Variants in VPS35L observed in about 807,000 individuals in gnomAD.
The protein encoded by VPS35L is VPS35 endosomal protein-sorting factor-like.
In VPS35L, 83 loss-of-function variants were observed where a neutral mutation model predicts 133.0. The ratio of observed to expected loss-of-function variants is 0.62; its 90% CI spans 0.52 to 0.75. The LOEUF (loss-of-function observed/expected upper bound fraction) is 0.75. VPS35L is among the 30% of genes least tolerant of loss of function. The pLI, the probability that VPS35L is intolerant of heterozygous loss-of-function variation, is 0.00. For synonymous variants in VPS35L, 423 were observed against 449.9 expected, an observed-to-expected ratio of 0.94 and a Z score of 0.76; for missense variants, 1,083 against 1,206.8, an observed-to-expected ratio of 0.90 and a Z score of 1.52.
rs1352040689 is a variant in VPS35L at position 19,573,187 on chromosome 16, C to T, written c.354C>T (p.Thr118=). 1.2e-6 allele frequency: 2 copies of T among 1,613,910 alleles called. No individual in the cohort carries two copies. The highest frequency in any genetic ancestry group is 1.7e-6 in the Non-Finnish European group (2 of 1,179,914). ...SVVGSDFEPW[T]NKRGEILARY... is the part of the protein sequence containing the mutation. ...TAGGATCGGATTTTGAGCCTTGGAC[C>T]AACAAACGGGGAGAAATCCTTGCCC... Residue 118 remains threonine (T), a synonymous_variant, in exon 4 of 31, where the codon ACC becomes ACT. Transcript: ENST00000417362.
chr16:19,690,928 C>G (rs1975648873), intron 28 of VPS35L, among the ~76,000 whole-genome samples: 1 of 151,614 alleles, frequency 6.6e-6, no homozygotes, highest in South Asian at 2.1e-4. Context: ...TGCCACTGCA[C>G]TCCAGCCTGG....
chr16:19,647,950 T>G, intron 24 of VPS35L, 68 bp downstream of exon 24: 1 of 1,364,492 alleles, frequency 7.3e-7, no homozygotes, highest in Non-Finnish European at 1.0e-6. Flanking sequence ...TCCCAATCAT[T>G]TATTTTGATT....
intron 26 of VPS35L, among the ~76,000 whole-genome samples, chr16:19,666,927 T>TCTTTCTTC (rs1555506168): frequency 0.066 from 4,108 of 62,486 alleles, 361 homozygotes; most frequent in South Asian, 0.1. Context: ...TTTCTTTCTT[T>TCTTTCTTC]CTTTCTTCCT....
At chr16:19,631,752 A>G (rs1973461960) in intron 18 of VPS35L, among the ~76,000 whole-genome samples, 1 of 152,166 alleles carries the variant, frequency 6.6e-6, no homozygotes, top group African/African-American at 2.4e-5. Flanking sequence ...TCTGTTGCCC[A>G]GACTGGAGTC....
At chr16:19,656,302 G>A (rs1386461918) in intron 26 of VPS35L, among the ~76,000 whole-genome samples, 1 of 149,262 alleles carries the variant, frequency 6.7e-6, no homozygotes, top group Non-Finnish European at 1.5e-5. Flanking sequence ...AGAAAATGGG[G>A]GCATTTTACA....
In VPS35L at chr16:19,700,662, A is replaced by G. The variant is rs1976099936; in HGVS notation, c.*186A>G. The G allele has an allele frequency of 3.5e-6, 2 of 576,626 alleles. No individual in the cohort carries two copies. Among genetic ancestry groups the G allele is most frequent in the African/African-American group, 1.9e-5 (1 of 53,646 alleles). The allele number at this position is 576,626 out of a possible 1,614,324, so 35.7% of individuals were successfully genotyped here. The stretch of plus-strand genomic sequence containing the variant: ...ACAATGAAGAAATGGGAGTTGTCAG[A>G]GCATTAAAATGCAATCTTCACTAAG... On this transcript the variant is annotated 3_prime_UTR_variant, in exon 31 of 31. Coordinates refer to ENST00000417362, the MANE Select transcript of VPS35L (RefSeq NM_020314.7).
rs1304303668 is a variant in VPS35L at position 19,583,143 on chromosome 16, T to G, written c.639+1490T>G. Among the ~76,000 whole-genome samples the G allele has an allele frequency of 2.2e-5, 3 of 134,356 alleles. No homozygotes were observed. In the East Asian group the frequency reaches 6.0e-4, roughly 27 times the overall value. The allele number at this position is 134,356 out of a possible 152,430, so 88.1% of individuals were successfully genotyped here. A position where few individuals can be genotyped will look rare whatever the true frequency, so the allele number is the denominator to read the frequency against. On this transcript the variant is annotated intron_variant, in intron 7 of 30. Coordinates refer to ENST00000417362, the MANE Select transcript of VPS35L (RefSeq NM_020314.7). ...CACCCATTATAAGTGTGTAATTCAT[T>G]GATTTTTTTTTACTTAACTTATAGA...
intron 7 of VPS35L, chr16:19,582,225 A>T (rs560904689): frequency 6.6e-6 from 1 of 152,402 alleles, no homozygotes; most frequent in East Asian, 1.9e-4. Context: ...AACAGCTTAT[A>T]TGTCTTGGTC....
intron 14 of VPS35L, among the ~76,000 whole-genome samples, chr16:19,621,041 C>T (rs1478763429): frequency 6.6e-6 from 1 of 151,930 alleles, no homozygotes; most frequent in Non-Finnish European, 1.5e-5. Context: ...TTGAAAAATG[C>T]TGTTATATCC....
At position 19,700,493 on chromosome 16, in the gene VPS35L, C is replaced by T; in HGVS notation, c.*17C>T. 1.9e-6 allele frequency: 3 copies of T among 1,603,320 alleles called. No individual in the cohort carries two copies. On this transcript the variant is annotated 3_prime_UTR_variant, in exon 31 of 31. Transcript: ENST00000417362. ...AGGACCTGACCCCCGGGCCCATCCC[C>T]AGGCTCAGGGACTCTGGTGCCAAAT...
intron 8 of VPS35L, among the ~76,000 whole-genome samples, chr16:19,600,956 G>C (rs1024829533): frequency 6.6e-6 from 1 of 152,138 alleles, no homozygotes; most frequent in Non-Finnish European, 1.5e-5. Context: ...TTGAGACAGG[G>C]TCTTGCTCTC....
chr16:19,632,977 G>T (rs1973504335), intron 18 of VPS35L, 115 bp from the exon 19 acceptor site: 2 of 778,946 alleles, frequency 2.6e-6, no homozygotes, highest in South Asian at 3.2e-5. Context: ...TACTGAAATT[G>T]ATTTCCTGGA....
intron 27 of VPS35L, among the ~76,000 whole-genome samples, chr16:19,670,550 C>A (rs1221219281): frequency 6.6e-6 from 1 of 152,188 alleles, no homozygotes; most frequent in Non-Finnish European, 1.5e-5. Context: ...AGTAAACTTT[C>A]TAGAAAGCAC....
At chr16:19,642,341 C>G in intron 21 of VPS35L, 55 bp from the exon 22 acceptor site, 1 of 1,466,922 alleles carries the variant, frequency 6.8e-7, no homozygotes, top group Non-Finnish European at 9.5e-7. Flanking sequence ...TGAATCCACT[C>G]TTGCAGTGCT....
At position 19,699,022 on chromosome 16, in the gene VPS35L, G is replaced by C. The variant is rs1251315055; in HGVS notation, c.2647-480G>C. The stretch of plus-strand genomic sequence containing the variant: ...GTAAAGGCTGGATATGGGCACCAAG[G>C]ATTGGGGAGCTCAGTTCGGGAGATG... On this transcript the variant is annotated intron_variant, in intron 29 of 30. Coordinates refer to ENST00000417362, the MANE Select transcript of VPS35L (RefSeq NM_020314.7). This position sits in a 1 kb window ranked among gnomAD's most constrained non-coding sequence, Gnocchi z 4.2. Among the ~76,000 whole-genome samples, 1 of 152,220 alleles carries C rather than the reference G, an allele frequency of 6.6e-6. No homozygotes were observed. Among genetic ancestry groups the C allele is most frequent in the African/African-American group, 2.4e-5 (1 of 41,456 alleles).
intron 26 of VPS35L, among the ~76,000 whole-genome samples, chr16:19,664,469 T>C (rs920927275): frequency 2.0e-5 from 3 of 151,580 alleles, no homozygotes; most frequent in African/African-American, 7.3e-5. Flanking sequence ...TCAAATACAG[T>C]GACTGTAGTG....
rs754855735 is a variant in VPS35L at position 19,699,503 on chromosome 16, C to T, written c.2648C>T (p.Ala883Val). The T allele has an allele frequency of 1.6e-5, 26 of 1,613,918 alleles. No homozygotes were observed. The highest frequency in any genetic ancestry group is 8.3e-5 in the Admixed American group (5 of 60,006). The change falls in exon 30 of 31, where the codon GCC (alanine) becomes GTC (valine). Residue 883 changes from alanine (A) to valine (V), a missense_variant and splice_region_variant. Transcript: ENST00000417362. This position sits in a 1 kb window ranked among gnomAD's most constrained non-coding sequence, Gnocchi z 4.2. ...EHLKTLAKDE[A>V]LKRQSSLGLS... ...AGTAACCTCCCTTTTCTGTTTCAGG[C>T]CCTGAAGCGCCAGAGCTCGTTGGGC...
At chr16:19,627,208 G>A (rs1006943467) in intron 15 of VPS35L, among the ~76,000 whole-genome samples, 3 of 151,754 alleles carry the variant, frequency 2.0e-5, no homozygotes, top group East Asian at 1.9e-4. Context: ...ACTTGAACCC[G>A]GGAGGTGGAG....
intron 29 of VPS35L, among the ~76,000 whole-genome samples, chr16:19,693,048 T>C (rs1306066101): frequency 6.6e-6 from 1 of 152,044 alleles, no homozygotes; most frequent in African/African-American, 2.4e-5. Context: ...GCACCTTCTG[T>C]AGGGAGGGAG....
Sources: gnomAD v4.1 joint callset for allele counts (sites outside exome capture counted in the v4.1 genomes callset) on GRCh38, gnomAD v4.1.1 for gene constraint, Gnocchi (gnomAD v3.1) non-coding constraint, MANE v1.5 for transcripts, NCBI Gene and HGNC (gene_info 2026-07-23, HGNC 2026-07-21) for gene names.